Variants in RAB38 observed in about 807,000 individuals in gnomAD.
RAB38 encodes ras-related protein Rab-38.
A neutral mutation model predicts 18.4 loss-of-function variants in RAB38; 15 were observed. That is an observed-to-expected ratio of 0.82 (90% CI 0.55 to 1.26). RAB38 has a LOEUF of 1.26. Among genes scored for constraint, RAB38 ranks in the 50% most tolerant of loss-of-function variants. The probability of loss-of-function intolerance (pLI) is 0.00; values close to 1 mark genes in which losing one functional copy is unlikely to be tolerated. For missense variants in RAB38, 294 were observed against 267.4 expected (o/e 1.10, Z -0.69); for synonymous variants, 101 against 104.4 (o/e 0.97, Z 0.20).
chr11:87,822,565 G>A, the RAB38 span, among the ~76,000 whole-genome samples: 1 of 152,174 alleles, frequency 6.6e-6, no homozygotes, highest in South Asian at 2.1e-4. Flanking sequence ...AGATTTTCCA[G>A]CTTACTCAAG....
chr11:87,958,615 C>A, the RAB38 span, among the ~76,000 whole-genome samples: 1 of 152,132 alleles, frequency 6.6e-6, no homozygotes, highest in Non-Finnish European at 1.5e-5. Context: ...AGCAAGAAAC[C>A]TAAAGATGTC....
chr11:87,947,082 T>A, the RAB38 span, among the ~76,000 whole-genome samples: 1 of 152,186 alleles, frequency 6.6e-6, no homozygotes, highest in Non-Finnish European at 1.5e-5. Context: ...TGATGGCCAT[T>A]CTAACTGGTG....
At chr11:88,058,608 T>A in the RAB38 span, among the ~76,000 whole-genome samples, 1 of 152,190 alleles carries the variant, frequency 6.6e-6, no homozygotes, top group Non-Finnish European at 1.5e-5. Context: ...TCCCTCACAT[T>A]AGCAAGAGGT....
chr11:88,064,051 A>G, the RAB38 span, among the ~76,000 whole-genome samples: 1 of 152,188 alleles, frequency 6.6e-6, no homozygotes, highest in African/African-American at 2.4e-5. Context: ...GTCTATATTG[A>G]CAACCAGATA....
At chr11:87,902,987 T>C in the RAB38 span, among the ~76,000 whole-genome samples, 1 of 151,258 alleles carries the variant, frequency 6.6e-6, no homozygotes, top group African/African-American at 2.4e-5. Context: ...CTGTTCTACA[T>C]ACATAATGAT....
chr11:88,103,800 T>C, the RAB38 span, among the ~76,000 whole-genome samples: 1 of 152,150 alleles, frequency 6.6e-6, no homozygotes, highest in Non-Finnish European at 1.5e-5. Flanking sequence ...TGTAAAGCCT[T>C]GTCAGTAGAG....
intron 2 of RAB38, among the ~76,000 whole-genome samples, chr11:88,145,876 G>A (rs1349443267): frequency 6.6e-6 from 1 of 152,114 alleles, no homozygotes; most frequent in Non-Finnish European, 1.5e-5. Flanking sequence ...GGGGCAAAAT[G>A]GGACACATGA....
the RAB38 span, among the ~76,000 whole-genome samples, chr11:87,947,099 G>A: frequency 1.3e-5 from 2 of 152,114 alleles, no homozygotes; most frequent in African/African-American, 2.4e-5. Context: ...GGTGTGAGAT[G>A]GTATCTCATT....
chr11:87,941,424 T>C, the RAB38 span, among the ~76,000 whole-genome samples: 1 of 151,274 alleles, frequency 6.6e-6, no homozygotes, highest in East Asian at 2.0e-4. Context: ...TCAGGAAATG[T>C]TGAGTTGAGT....
chr11:87,807,598 TAGAC>T, the RAB38 span, among the ~76,000 whole-genome samples: 21 of 152,260 alleles, frequency 1.4e-4, no homozygotes, highest in East Asian at 3.9e-3. Context: ...GTTAACTAGG[TAGAC>T]AGAACACAAA....
chr11:87,953,045 CATTATGTAA>C, the RAB38 span, among the ~76,000 whole-genome samples: 4 of 151,258 alleles, frequency 2.6e-5, no homozygotes, highest in Admixed American at 1.3e-4. Flanking sequence ...TAAAGTTGAT[CATTATGTAA>C]ATATGTCATT....
rs1278072481 is a variant in RAB38 at position 88,113,677 on chromosome 11, C to T, written c.*311G>A. On this transcript the variant is annotated 3_prime_UTR_variant, in exon 3 of 3. Transcript: ENST00000243662. ...GTTCTTCTCCCCTTTTATTTTAAGACTTGAGGCCTTTGCTGATTAAAAGAA... is the reference window on the plus strand; with the variant it reads ...GTTCTTCTCCCCTTTTATTTTAAGATTTGAGGCCTTTGCTGATTAAAAGAA... 4.0e-6 allele frequency: 1 copy of T among 251,218 alleles called. No homozygotes were observed. Among genetic ancestry groups the T allele is most frequent in the Non-Finnish European group, 7.8e-6 (1 of 128,154 alleles). The allele number at this position is 251,218 out of a possible 1,614,324, so 15.6% of individuals were successfully genotyped here.
At chr11:87,973,547 A>AG in the RAB38 span, among the ~76,000 whole-genome samples, 1 of 152,022 alleles carries the variant, frequency 6.6e-6, no homozygotes, top group African/African-American at 2.4e-5. Flanking sequence ...AGAGTATGGC[A>AG]GTCTTGCTAA....
chr11:88,004,140 AAAAT>A, the RAB38 span, among the ~76,000 whole-genome samples: 1 of 148,956 alleles, frequency 6.7e-6, no homozygotes, highest in African/African-American at 2.4e-5. Flanking sequence ...AAATACTGAT[AAAAT>A]ATTACTTATA....
the RAB38 span, among the ~76,000 whole-genome samples, chr11:88,052,935 T>TATATATCATATC: frequency 1.2e-5 from 1 of 85,790 alleles, no homozygotes; most frequent in Admixed American, 1.8e-4. Flanking sequence ...TATATATATA[T>TATATATCATATC]ATATATATAA....
chr11:88,013,922 C>T, the RAB38 span, among the ~76,000 whole-genome samples: 1 of 152,044 alleles, frequency 6.6e-6, no homozygotes, highest in East Asian at 1.9e-4. Flanking sequence ...AGTTCCTGCT[C>T]AATAAATAAT....
At chr11:87,897,405 T>A in the RAB38 span, among the ~76,000 whole-genome samples, 2 of 151,616 alleles carry the variant, frequency 1.3e-5, no homozygotes, top group Non-Finnish European at 3.0e-5. Flanking sequence ...TTGGGTAGCA[T>A]GCAGTATGTG....
At chr11:88,012,426 C>G in the RAB38 span, among the ~76,000 whole-genome samples, 2 of 152,176 alleles carry the variant, frequency 1.3e-5, no homozygotes, top group African/African-American at 4.8e-5. Context: ...ACGGTGGGAA[C>G]CAAGCACGGA....
chr11:87,975,400 A>G, the RAB38 span, among the ~76,000 whole-genome samples: 1 of 151,996 alleles, frequency 6.6e-6, no homozygotes, highest in Non-Finnish European at 1.5e-5. Flanking sequence ...CGAAGCTGAA[A>G]TAATTCTTTG....
Sources: gnomAD v4.1 joint callset for allele counts (sites outside exome capture counted in the v4.1 genomes callset) on GRCh38, gnomAD v4.1.1 for gene constraint, MANE v1.5 for transcripts, NCBI Gene and HGNC (gene_info 2026-07-23, HGNC 2026-07-21) for gene names.